ADGRV1: variants seen among roughly 807,000 people sequenced by gnomAD.
The protein encoded by ADGRV1 is G-protein coupled receptor 98.
Under a neutral mutation model 596.2 loss-of-function variants are expected in ADGRV1, and 359 were observed. That is an observed-to-expected ratio of 0.60 (90% CI 0.55 to 0.66). The LOEUF is 0.66. ADGRV1 is among the 30% of genes least tolerant of loss of function. The pLI, the probability that ADGRV1 is intolerant of heterozygous loss-of-function variation, is 0.00. For missense variants in ADGRV1, 7,274 were observed against 7,575.6 expected, an observed-to-expected ratio of 0.96 and a Z score of 1.48; for synonymous variants, 2,681 against 2,679.2, an observed-to-expected ratio of 1.00 and a Z score of -0.02.
intron 87 of ADGRV1, among the ~76,000 whole-genome samples, chr5:91,114,003 G>A (rs1792623281): frequency 6.6e-6 from 1 of 152,106 alleles, no homozygotes; most frequent in African/African-American, 2.4e-5. Flanking sequence ...CAGATCATGT[G>A]GTCAGGAGTT....
At chr5:90,795,086 G>GTTTTT (rs35362542) in intron 70 of ADGRV1, among the ~76,000 whole-genome samples, 5 of 120,446 alleles carry the variant, frequency 4.2e-5, no homozygotes, top group Non-Finnish European at 5.2e-5. Flanking sequence ...AGCTGCAGAA[G>GTTTTT]TTTTTTTTTT....
intron 84 of ADGRV1, among the ~76,000 whole-genome samples, chr5:90,971,425 A>G (rs1375294155): frequency 1.1e-5 from 1 of 87,448 alleles, no homozygotes; most frequent in Non-Finnish European, 2.8e-5. Context: ...GAGATGAAGG[A>G]AAAAATGTTA....
chr5:90,780,055 A>C (rs1758675503), intron 64 of ADGRV1: 1 of 152,190 alleles, frequency 6.6e-6, no homozygotes, highest in African/African-American at 2.4e-5. Flanking sequence ...AAATATAGTA[A>C]AAAGTTTGAG....
intron 83 of ADGRV1, among the ~76,000 whole-genome samples, chr5:90,955,848 C>T (rs567231403): frequency 6.6e-6 from 1 of 152,170 alleles, no homozygotes; most frequent in African/African-American, 2.4e-5. Context: ...ATCATATCCT[C>T]GATGTAAAAT....
At chr5:90,564,728 G>A (rs1383569321) in intron 1 of ADGRV1, among the ~76,000 whole-genome samples, 4 of 52,312 alleles carry the variant, frequency 7.6e-5, no homozygotes, top group African/African-American at 3.5e-4. Context: ...CCGGGTTCAC[G>A]CCATTCTCCT....
intron 85 of ADGRV1, among the ~76,000 whole-genome samples, chr5:91,062,751 T>C (rs1178897931): frequency 1.3e-5 from 2 of 152,160 alleles, no homozygotes; most frequent in East Asian, 3.9e-4. Flanking sequence ...TCTGTTTTTC[T>C]ATCCCTTTTG....
At chr5:90,631,007 C>T (rs941716082) in intron 9 of ADGRV1, among the ~76,000 whole-genome samples, 6 of 152,150 alleles carry the variant, frequency 3.9e-5, no homozygotes, top group Non-Finnish European at 8.8e-5. Flanking sequence ...TACCCTCAAA[C>T]AAATGTGCTG....
At chr5:90,991,897 G>C (rs1300583732) in intron 85 of ADGRV1, among the ~76,000 whole-genome samples, 1 of 152,162 alleles carries the variant, frequency 6.6e-6, no homozygotes, top group Non-Finnish European at 1.5e-5. Flanking sequence ...TTGTTAGAGA[G>C]CACATTTACT....
At chr5:90,585,257 A>C (rs1561331063) in intron 1 of ADGRV1, among the ~76,000 whole-genome samples, 1 of 119,398 alleles carries the variant, frequency 8.4e-6, no homozygotes, top group Non-Finnish European at 1.6e-5. Context: ...AATCTGAGAG[A>C]GAATTTTCTG....
intron 1 of ADGRV1, among the ~76,000 whole-genome samples, chr5:90,614,036 T>C (rs1270272726): frequency 6.6e-6 from 1 of 151,850 alleles, no homozygotes; most frequent in Non-Finnish European, 1.5e-5. Flanking sequence ...TATATCTACA[T>C]TACAAAACAG....
At chr5:90,900,718 T>C (rs1178113169) in intron 83 of ADGRV1, among the ~76,000 whole-genome samples, 2 of 152,110 alleles carry the variant, frequency 1.3e-5, no homozygotes, top group African/African-American at 2.4e-5. Context: ...TCACCTACAT[T>C]ACTTGCCTGG....
rs67813883 is a variant in ADGRV1, at chr5:90,639,071, A to AACACACACACACAC, written c.2240+1136_2240+1149dup. Among the ~76,000 whole-genome samples, 263 of 148,038 alleles carry AACACACACACACAC rather than the reference A, an allele frequency of 1.8e-3. 1 individual carries two copies. The highest frequency in any genetic ancestry group is 3.0e-3 in the East Asian group (15 of 5,020). On this transcript the variant is annotated intron_variant, in intron 11 of 89. Coordinates refer to ENST00000405460, the MANE Select transcript of ADGRV1 (RefSeq NM_032119.4). Reference sequence around the variant, plus strand: ...AACCAAAAAGCAAAAACCAATTTACAACACACACACACACACACACACACA... The same window carrying AACACACACACACAC: ...AACCAAAAAGCAAAAACCAATTTACAACACACACACACACACACACACACACACACACACACACA...
At chr5:90,860,956 G>A (rs1385306921) in intron 82 of ADGRV1, among the ~76,000 whole-genome samples, 1 of 152,086 alleles carries the variant, frequency 6.6e-6, no homozygotes. Context: ...TAATGAAGAT[G>A]TTTATAAACA....
chr5:90,803,426 A>G (rs569171136), intron 71 of ADGRV1, among the ~76,000 whole-genome samples: 2 of 152,328 alleles, frequency 1.3e-5, no homozygotes, highest in African/African-American at 2.4e-5. Context: ...CTGTCAATAT[A>G]TGAAAAAGAC....
At chr5:91,096,618 A>G (rs894147876) in intron 86 of ADGRV1, among the ~76,000 whole-genome samples, 2 of 152,110 alleles carry the variant, frequency 1.3e-5, no homozygotes, top group African/African-American at 4.8e-5. Flanking sequence ...TACTGTGATG[A>G]TTTGATTTTT....
At chr5:91,102,884 A>T (rs1234129422) in intron 87 of ADGRV1, among the ~76,000 whole-genome samples, 2 of 152,224 alleles carry the variant, frequency 1.3e-5, no homozygotes, top group African/African-American at 4.8e-5. Context: ...ACTGCAGCAA[A>T]AATGAAAGCT....
intron 83 of ADGRV1, among the ~76,000 whole-genome samples, chr5:90,923,154 G>A (rs1484348353): frequency 6.6e-6 from 1 of 152,100 alleles, no homozygotes; most frequent in Non-Finnish European, 1.5e-5. Context: ...TTACATGAAT[G>A]TGCATGCATC....
intron 69 of ADGRV1, among the ~76,000 whole-genome samples, chr5:90,790,423 T>A (rs1759935906): frequency 6.6e-6 from 1 of 152,198 alleles, no homozygotes; most frequent in African/African-American, 2.4e-5. Flanking sequence ...CACTTCATAG[T>A]TTTGAGGCCA....
At chr5:91,150,277 C>CTG in intron 88 of ADGRV1, 56 bp downstream of exon 88, 3 of 1,232,354 alleles carry the variant, frequency 2.4e-6, no homozygotes, top group East Asian at 2.6e-5. Context: ...CTCTCTCTCT[C>CTG]TCTGTCTGTC....
Sources: allele counts gnomAD v4.1 joint callset (sites outside exome capture counted in the v4.1 genomes callset), GRCh38; gene constraint gnomAD v4.1.1; transcripts MANE v1.5; gene names NCBI Gene and HGNC (gene_info 2026-07-23, HGNC 2026-07-21).